ABLIM2: variants seen among roughly 807,000 people sequenced by gnomAD.
ABLIM2 encodes the protein actin binding LIM protein family member 2.
Under a neutral mutation model 97.7 loss-of-function variants are expected in ABLIM2, and 53 were observed. The ratio of observed to expected loss-of-function variants is 0.54; its 90% confidence interval spans 0.44 to 0.68. The LOEUF is 0.68. Among genes scored for constraint, ABLIM2 ranks in the 30% least tolerant of loss-of-function variants. The pLI, the probability that ABLIM2 is intolerant of heterozygous loss-of-function variation, is 0.00. For synonymous variants in ABLIM2, 361 were observed against 345.8 expected (o/e 1.04, Z -0.49); for missense variants, 835 against 867.2 (o/e 0.96, Z 0.47).
chr4:8,089,731 T>TAAA (rs1826073991), intron 3 of ABLIM2, among the ~76,000 whole-genome samples: 1 of 22,240 alleles, frequency 4.5e-5, no homozygotes, highest in Non-Finnish European at 7.5e-5. Flanking sequence ...GAGATTCATA[T>TAAA]CAAAAAAAAA....
chr4:8,064,186 G>C (rs1220065172), intron 6 of ABLIM2, among the ~76,000 whole-genome samples: 1 of 152,204 alleles, frequency 6.6e-6, no homozygotes. Context: ...AATTTGCCTT[G>C]CTGAGAAACC....
intron 1 of ABLIM2, among the ~76,000 whole-genome samples, chr4:8,136,122 C>G (rs1850159074): frequency 1.3e-5 from 2 of 152,198 alleles, no homozygotes; most frequent in South Asian, 2.1e-4. Context: ...GCACTCAGCC[C>G]TAAGAAGAAA....
intron 3 of ABLIM2, among the ~76,000 whole-genome samples, chr4:8,091,829 TAAATA>T (rs1287984713): frequency 3.3e-5 from 2 of 61,270 alleles, no homozygotes; most frequent in East Asian, 4.9e-4. Flanking sequence ...ATATATTATA[TAAATA>T]ATATAATATA....
In ABLIM2 at chr4:8,127,301, G is replaced by C. The variant is rs949057559; in HGVS notation, c.11-20664C>G. ...CCAGCCTTAGCTGACCTGTACAATGGGGTCACCCTCCTCACCCCACAGTGC... is the reference window on the plus strand; with the variant it reads ...CCAGCCTTAGCTGACCTGTACAATGCGGTCACCCTCCTCACCCCACAGTGC... On this transcript the variant is annotated intron_variant, in intron 1 of 20. Transcript: ENST00000447017. This position sits in a 1 kb window ranked among gnomAD's most constrained non-coding sequence, Gnocchi z 7.3. Among the ~76,000 whole-genome samples, 3 of 152,126 alleles carry C rather than the reference G, an allele frequency of 2.0e-5. No homozygotes were observed. The highest frequency in any genetic ancestry group is 2.1e-4 in the South Asian group (1 of 4,826).
At chr4:7,967,133 C>T (rs1723462712) in intron 20 of ABLIM2, 30 bp from the exon 21 acceptor site, 1 of 1,580,536 alleles carries the variant, frequency 6.3e-7, no homozygotes, top group African/African-American at 1.3e-5. Flanking sequence ...ACAGAAGGGA[C>T]CAGTTAGCCA....
chr4:8,072,076 C>T lies in ABLIM2; in HGVS notation c.675+5552G>A. 1.0e-6 allele frequency: 1 copy of T among 985,396 alleles called. No homozygotes were observed. The highest frequency in any genetic ancestry group is 1.2e-6 in the Non-Finnish European group (1 of 829,888). 61.0% of individuals were successfully genotyped at this position (985,396 alleles called of 1,614,324 possible). A position where few individuals can be genotyped will look rare whatever the true frequency, so the allele number is the denominator to read the frequency against. ...TGCAGAGCCCGCCGACTCAGCCACG[C>T]CGCCACAGACTCGCCTCCCCGGCAG... is the stretch of plus-strand genomic sequence containing the variant. On this transcript the variant is annotated intron_variant, in intron 6 of 20. Transcript: ENST00000447017. This position sits in a 1 kb window ranked among gnomAD's most constrained non-coding sequence, Gnocchi z 5.8.
At chr4:8,007,369 T>G (rs1167516911) in intron 16 of ABLIM2, 34 of 985,360 alleles carry the variant, frequency 3.5e-5, no homozygotes, top group Non-Finnish European at 4.1e-5. Flanking sequence ...TCCCAGCCCC[T>G]GCTTCGAAGC....
intron 20 of ABLIM2, among the ~76,000 whole-genome samples, chr4:7,982,557 C>T (rs1414984653): frequency 1.3e-5 from 2 of 152,212 alleles, no homozygotes; most frequent in Admixed American, 6.5e-5. Flanking sequence ...CTATTCCTTG[C>T]TGACACCTTG....
At chr4:8,047,375 CCTCCTCCTCCTCTTT>C in intron 8 of ABLIM2, among the ~76,000 whole-genome samples, 1 of 151,334 alleles carries the variant, frequency 6.6e-6, no homozygotes, top group Non-Finnish European at 1.5e-5. Context: ...TCCTCCTCCT[CCTCCTCCTCCTCTTT>C]CTCCTCCTCC....
intron 11 of ABLIM2, among the ~76,000 whole-genome samples, chr4:8,028,410 T>C (rs1778800265): frequency 1.3e-5 from 2 of 152,110 alleles, no homozygotes; most frequent in Non-Finnish European, 2.9e-5. Flanking sequence ...TATTCACTCA[T>C]TCACTCACTC....
chr4:7,982,728 T>C (rs2149663788), intron 20 of ABLIM2, among the ~76,000 whole-genome samples: 1 of 151,032 alleles, frequency 6.6e-6, no homozygotes, highest in South Asian at 2.1e-4. Flanking sequence ...TTATTTGAGA[T>C]GGAGTCTCTC....
intron 6 of ABLIM2, among the ~76,000 whole-genome samples, chr4:8,073,710 C>T (rs948088264): frequency 6.6e-6 from 1 of 152,336 alleles, no homozygotes; most frequent in African/African-American, 2.4e-5. Flanking sequence ...GTGATCCACC[C>T]GCACAGAAGG....
rs1227073864 is a variant in ABLIM2, at chr4:8,155,643, G to A, written c.10+3037C>T. Among the ~76,000 whole-genome samples, 8 of 152,214 alleles carry A rather than the reference G, an allele frequency of 5.3e-5. No individual in the cohort carries two copies. The highest frequency in any genetic ancestry group is 8.8e-5 in the Non-Finnish European group (6 of 68,048). ...GTACTCCAGGATGTGACTATGCATG[G>A]AGACAGGACCTTTAAGGAGACCACT... On this transcript the variant is annotated intron_variant, in intron 1 of 20. Transcript: ENST00000447017. This position sits in a 1 kb window ranked among gnomAD's most constrained non-coding sequence, Gnocchi z 4.2.
At chr4:8,102,834 G>A (rs1835339846) in intron 2 of ABLIM2, among the ~76,000 whole-genome samples, 1 of 152,240 alleles carries the variant, frequency 6.6e-6, no homozygotes, top group Non-Finnish European at 1.5e-5. Context: ...ATTGGGCTAA[G>A]TCAGCCACGA....
At chr4:8,102,936 G>T (rs1407872699) in intron 2 of ABLIM2, among the ~76,000 whole-genome samples, 1 of 152,228 alleles carries the variant, frequency 6.6e-6, no homozygotes, top group Non-Finnish European at 1.5e-5. Context: ...TTCAGGAAAG[G>T]GTTCTCCTCC....
rs1821440680 is a variant in ABLIM2 at position 8,083,776 on chromosome 4, C to T, written c.455-2974G>A. Among the ~76,000 whole-genome samples the T allele has an allele frequency of 1.3e-5, 2 of 152,204 alleles. No individual in the cohort carries two copies. The highest frequency in any genetic ancestry group is 6.5e-5 in the Admixed American group (1 of 15,286). On this transcript the variant is annotated intron_variant, in intron 4 of 20. Transcript: ENST00000447017. This position sits in a 1 kb window ranked among gnomAD's most constrained non-coding sequence, Gnocchi z 4.6. ...AGGGCAGAAGGGGCCCCAGGACCCC[C>T]CAATGTCAGCTGGCCACGTGCCCGT...
At chr4:8,138,021 T>C (rs138370351) in intron 1 of ABLIM2, among the ~76,000 whole-genome samples, 90 of 152,334 alleles carry the variant, frequency 5.9e-4, no homozygotes, top group African/African-American at 2.1e-3. Flanking sequence ...GGCTATGACA[T>C]GGATGACCCT....
intron 7 of ABLIM2, among the ~76,000 whole-genome samples, chr4:8,055,199 T>A (rs1387307309): frequency 6.6e-6 from 1 of 152,208 alleles, no homozygotes; most frequent in Non-Finnish European, 1.5e-5. Context: ...ATTAGTGCGA[T>A]CCTTCTTGTG....
In ABLIM2 at chr4:8,046,890, CCAA is replaced by C. The variant is rs1792834927; in HGVS notation, c.823-1652_823-1650del. Among the ~76,000 whole-genome samples, 4 of 152,290 alleles carry C rather than the reference CCAA, an allele frequency of 2.6e-5. 1 individual carries two copies. In the South Asian group the frequency reaches 8.3e-4, roughly 32 times the overall value. The stretch of plus-strand genomic sequence containing the variant: ...ACAGGGAGAAGGCAGCATCTACGAG[CCAA>C]CGAGGGAGAAACCACCCCAGCTAAC... On this transcript the variant is annotated intron_variant, in intron 8 of 20. Coordinates refer to ENST00000447017, the MANE Select transcript of ABLIM2 (RefSeq NM_001130083.2). This position sits in a 1 kb window ranked among gnomAD's most constrained non-coding sequence, Gnocchi z 4.4.
Sources: gnomAD v4.1 joint callset for allele counts (sites outside exome capture counted in the v4.1 genomes callset) on GRCh38, gnomAD v4.1.1 for gene constraint, Gnocchi (gnomAD v3.1) non-coding constraint, MANE v1.5 for transcripts, NCBI Gene and HGNC (gene_info 2026-07-23, HGNC 2026-07-21) for gene names.